Variants in CCDC178 observed in about 807,000 individuals in gnomAD.
CCDC178 encodes coiled-coil domain-containing protein 178.
CCDC178 carries 126 observed loss-of-function variants against 117.4 expected under a neutral mutation model. That is an observed-to-expected ratio of 1.07 (90% confidence interval 0.93 to 1.24). The LOEUF (loss-of-function observed/expected upper bound fraction) is 1.24, where lower values mean the gene tolerates loss of function less well. Among genes scored for constraint, CCDC178 ranks in the 50% most tolerant of loss-of-function variants. The probability of loss-of-function intolerance (pLI) is 0.00; values close to 1 mark genes in which losing one functional copy is unlikely to be tolerated. For missense variants in CCDC178, 1,030 were observed against 986.9 expected (o/e 1.04, Z -0.59); for synonymous variants, 283 against 313.4 (o/e 0.90, Z 1.02).
At chr18:33,035,628 T>C (rs1453958751) in intron 21 of CCDC178, among the ~76,000 whole-genome samples, 1 of 151,772 alleles carries the variant, frequency 6.6e-6, no homozygotes, top group Non-Finnish European at 1.5e-5. Context: ...TTGGGAGAAA[T>C]GGGAGATGCT....
At chr18:33,384,675 T>G (rs2063474455) in intron 5 of CCDC178, among the ~76,000 whole-genome samples, 1 of 152,166 alleles carries the variant, frequency 6.6e-6, no homozygotes, top group South Asian at 2.1e-4. Context: ...AGGAATTTTG[T>G]GAACAGCAGG....
intron 11 of CCDC178, among the ~76,000 whole-genome samples, chr18:33,320,587 A>G (rs1269679704): frequency 6.6e-6 from 1 of 152,180 alleles, no homozygotes; most frequent in Non-Finnish European, 1.5e-5. Context: ...TCAATGAAAT[A>G]AAAGAGGACA....
intron 21 of CCDC178, among the ~76,000 whole-genome samples, chr18:33,004,616 A>C (rs1394012099): frequency 2.6e-5 from 4 of 152,086 alleles, no homozygotes; most frequent in Non-Finnish European, 5.9e-5. Flanking sequence ...AAATGGACAA[A>C]TGGGGTCGCA....
chr18:33,202,125 T>A (rs1598994549), intron 20 of CCDC178, among the ~76,000 whole-genome samples: 1 of 151,662 alleles, frequency 6.6e-6, no homozygotes, highest in South Asian at 2.1e-4. Context: ...CCGGGCGCGG[T>A]GGTTCACGCC....
At chr18:33,243,816 A>G (rs1417088693) in intron 15 of CCDC178, among the ~76,000 whole-genome samples, 2 of 152,016 alleles carry the variant, frequency 1.3e-5, no homozygotes, top group African/African-American at 2.4e-5. Context: ...AAAAATTGAA[A>G]TACACAGTTA....
intron 21 of CCDC178, among the ~76,000 whole-genome samples, chr18:33,053,183 G>A (rs9964635): frequency 3.4e-4 from 52 of 152,254 alleles, no homozygotes; most frequent in African/African-American, 1.2e-3. Context: ...CTGGACATCA[G>A]CCTGAAAATC....
At chr18:33,243,912 A>G (rs1205043695) in intron 15 of CCDC178, among the ~76,000 whole-genome samples, 1 of 151,922 alleles carries the variant, frequency 6.6e-6, no homozygotes, top group African/African-American at 2.4e-5. Flanking sequence ...AAATATATTG[A>G]TATTATTTTA....
chr18:33,039,295 T>C (rs916266162), intron 21 of CCDC178, among the ~76,000 whole-genome samples: 5 of 151,930 alleles, frequency 3.3e-5, no homozygotes, highest in African/African-American at 9.7e-5. Flanking sequence ...GAGAGGACAA[T>C]AAAAACCACC....
At chr18:32,987,864 G>A (rs2055295369) in intron 21 of CCDC178, among the ~76,000 whole-genome samples, 1 of 151,990 alleles carries the variant, frequency 6.6e-6, no homozygotes, top group East Asian at 1.9e-4. Flanking sequence ...TTGGGAGGCC[G>A]AGGCAGGTGG....
At chr18:33,431,229 G>A (rs1347549063) in intron 2 of CCDC178, among the ~76,000 whole-genome samples, 1 of 138,490 alleles carries the variant, frequency 7.2e-6, no homozygotes, top group Non-Finnish European at 1.5e-5. Flanking sequence ...TAACAGTGGA[G>A]TAGTAGAGCA....
At chr18:33,226,019 G>A (rs1391427681) in intron 16 of CCDC178, among the ~76,000 whole-genome samples, 1 of 152,056 alleles carries the variant, frequency 6.6e-6, no homozygotes, top group African/African-American at 2.4e-5. Context: ...AAATTAGCTG[G>A]GCATGGTGGT....
At chr18:33,163,271 A>G (rs1401492735) in intron 20 of CCDC178, among the ~76,000 whole-genome samples, 1 of 152,132 alleles carries the variant, frequency 6.6e-6, no homozygotes, top group African/African-American at 2.4e-5. Flanking sequence ...TACCTTTTCA[A>G]TGTTAAATTT....
intron 10 of CCDC178, chr18:33,328,083 ATTTTTTTTTTTTTTTTTTT>A (rs771034112): frequency 9.9e-5 from 10 of 100,688 alleles, no homozygotes; most frequent in East Asian, 1.7e-3. Context: ...TTATCCCTAG[ATTTTTTTTTTTTTTTTTTT>A]TTTTTTTTTT....
rs559768893 is a variant in CCDC178, at chr18:33,329,983, G to A, written c.879+3191C>T. Among the ~76,000 whole-genome samples, 7 of 148,176 alleles carry A rather than the reference G, an allele frequency of 4.7e-5. No individual in the cohort carries two copies. In the South Asian group the frequency reaches 1.5e-3, roughly 32 times the overall value. On this transcript the variant is annotated intron_variant, in intron 10 of 22. Coordinates refer to ENST00000383096, the MANE Select transcript of CCDC178 (RefSeq NM_001105528.4). ...TTTTTTTTTTTTGGTGGAGTGGGGA[G>A]GTGGTTAATCACTTATTCAATCTCT...
At chr18:33,168,783 T>C (rs549016379) in intron 20 of CCDC178, among the ~76,000 whole-genome samples, 1 of 152,330 alleles carries the variant, frequency 6.6e-6, no homozygotes, top group African/African-American at 2.4e-5. Flanking sequence ...ATAACTACTC[T>C]TAGTTTGTAA....
At chr18:33,353,523 G>A (rs2063007663) in intron 7 of CCDC178, among the ~76,000 whole-genome samples, 1 of 151,708 alleles carries the variant, frequency 6.6e-6, no homozygotes, top group African/African-American at 2.4e-5. Context: ...TCTATATATT[G>A]TTTAGTTTCC....
At chr18:33,166,444 G>T (rs1163014585) in intron 20 of CCDC178, among the ~76,000 whole-genome samples, 1 of 151,896 alleles carries the variant, frequency 6.6e-6, no homozygotes, top group East Asian at 1.9e-4. Flanking sequence ...ATCTCCCTAC[G>T]GCACTAGATT....
At chr18:33,085,579 A>G (rs1341257574) in intron 21 of CCDC178, among the ~76,000 whole-genome samples, 1 of 152,176 alleles carries the variant, frequency 6.6e-6, no homozygotes, top group Non-Finnish European at 1.5e-5. Context: ...ATAAATAAAT[A>G]AAAAATAAAA....
At chr18:33,001,965 T>C (rs1043746948) in intron 21 of CCDC178, among the ~76,000 whole-genome samples, 1 of 152,136 alleles carries the variant, frequency 6.6e-6, no homozygotes, top group African/African-American at 2.4e-5. Context: ...AACAGGTCAA[T>C]TAAGCAAGAG....
Sources: allele counts gnomAD v4.1 joint callset (sites outside exome capture counted in the v4.1 genomes callset), GRCh38; gene constraint gnomAD v4.1.1; transcripts MANE v1.5; gene names NCBI Gene and HGNC (gene_info 2026-07-23, HGNC 2026-07-21).